PTCH1: variants seen among roughly 807,000 people sequenced by gnomAD.
PTCH1 encodes the protein protein patched homolog 1.
In PTCH1, 14 loss-of-function variants were observed where a neutral mutation model predicts 144.6. The ratio of observed to expected loss-of-function variants is 0.10; its 90% CI spans 0.06 to 0.15. The LOEUF (loss-of-function observed/expected upper bound fraction) is 0.15, where lower values mean the gene tolerates loss of function less well. Among genes scored for constraint, PTCH1 ranks in the 10% least tolerant of loss-of-function variants. PTCH1 has a pLI of 1.00. For missense variants in PTCH1, 1,623 were observed against 1,948.3 expected, an observed-to-expected ratio of 0.83 and a Z score of 3.14; for synonymous variants, 833 against 793.6, an observed-to-expected ratio of 1.05 and a Z score of -0.83.
At chr9:95,509,879 G>T (rs1844056053), upstream of PTCH1, among the ~76,000 whole-genome samples, 1 of 151,976 alleles carries the variant, frequency 6.6e-6, no homozygotes, top group South Asian at 2.1e-4. Flanking sequence ...TTAGGCTCTT[G>T]CAGGGAACAA....
Position 95,444,509 on chromosome 9 carries a change from G to GCGCACA in PTCH1, c.*1883_*1884insTGTGCG, listed in dbSNP as rs369387883. ...CAGAGACACACACACACGCACGCAC[G>GCGCACA]CACACACACACACACACACCCAGCA... On this transcript the variant is annotated 3_prime_UTR_variant, in exon 24 of 24. Coordinates refer to ENST00000331920, the MANE Select transcript of PTCH1 (RefSeq NM_000264.5). The GCGCACA allele has an allele frequency of 9.4e-5, 14 of 149,002 alleles. No homozygotes were observed. The highest frequency in any genetic ancestry group is 3.4e-4 in the African/African-American group (14 of 40,694). The allele number at this position is 149,002 out of a possible 1,614,324, so 9.2% of individuals were successfully genotyped here.
rs2118871805 is a variant in PTCH1 at position 95,506,373 on chromosome 9, CCGGGGGCGCGGGCGCCGCGG to C, written c.394+14_394+33del. Reference sequence around the variant, plus strand: ...CTATCAACCGCGAGGAGGGACCGGGCCGGGGGCGCGGGCGCCGCGGCGGGCGCTCTTACCTTCCACCCACA... The same window carrying C: ...CTATCAACCGCGAGGAGGGACCGGGCCGGGCGCTCTTACCTTCCACCCACA... On this transcript the variant is annotated intron_variant, in intron 2 of 23. Transcript: ENST00000331920. 1 of 1,603,508 alleles carries C rather than the reference CCGGGGGCGCGGGCGCCGCGG, an allele frequency of 6.2e-7. No individual in the cohort carries two copies. The highest frequency in any genetic ancestry group is 1.3e-5 in the African/African-American group (1 of 74,684).
intron 5 of PTCH1, among the ~76,000 whole-genome samples, chr9:95,481,199 G>A (rs1239343296): frequency 1.3e-5 from 2 of 152,184 alleles, no homozygotes; most frequent in Non-Finnish European, 2.9e-5. Flanking sequence ...CACTGTAGCT[G>A]CTTAACCAGG....
Position 95,459,735 on chromosome 9 carries a change from C to T in PTCH1, c.2752G>A (p.Ala918Thr), listed in dbSNP as rs2136672620. The T allele has an allele frequency of 1.9e-6, 3 of 1,614,180 alleles. No homozygotes were observed. Among genetic ancestry groups the T allele is most frequent in the Non-Finnish European group, 2.5e-6 (3 of 1,180,034 alleles). ...VDADGIINPS[A>T]FYIYLTAWVS... ...CAAGCCGTCAGGTAGATGTAGAAAGCGCTGGGATTAATGATGCCATCTGCA... is the reference window on the plus strand; with the variant it reads ...CAAGCCGTCAGGTAGATGTAGAAAGTGCTGGGATTAATGATGCCATCTGCA... Residue 918 changes from alanine (A) to threonine (T), a missense_variant, in exon 17 of 24, where the codon GCT becomes ACT. Ala to Thr is a moderately conservative substitution (Grantham distance 58). Around this residue, in one of 7 missense-constraint regions of PTCH1, gnomAD observed 504 missense variants for 679.3 expected, o/e 0.74. Transcript: ENST00000331920.
At chr9:95,463,220 C>A (rs1020626432) in intron 15 of PTCH1, among the ~76,000 whole-genome samples, 1 of 152,024 alleles carries the variant, frequency 6.6e-6, no homozygotes, top group African/African-American at 2.4e-5. Flanking sequence ...CTCTTGGGGT[C>A]TGAAGTGTGG....
chr9:95,516,640 C>T, exon 1 of PTCH1: 1 of 1,610,380 alleles, frequency 6.2e-7, no homozygotes, highest in Non-Finnish European at 8.5e-7. Context: ...CTGCGGGTCT[C>T]TTTGTCTCCC....
intron 15 of PTCH1, among the ~76,000 whole-genome samples, chr9:95,465,147 C>T (rs774143596): frequency 6.6e-6 from 1 of 152,122 alleles, no homozygotes; most frequent in Non-Finnish European, 1.5e-5. Flanking sequence ...TAGAGATGAT[C>T]TACAATGCTC....
At chr9:95,478,751 T>C (rs1192105111) in intron 8 of PTCH1, among the ~76,000 whole-genome samples, 1 of 152,220 alleles carries the variant, frequency 6.6e-6, no homozygotes, top group Non-Finnish European at 1.5e-5. Flanking sequence ...CACTGTTATG[T>C]GCTTTAGTTC....
rs1412840330 is a variant in PTCH1 at position 95,506,008 on chromosome 9, G to A, written c.394+399C>T. ...CTTTGGACGCGGTGGGTGGGGGTGG[G>A]GGAGAGAAGAAAGCCGGGCCGCGGA... is the stretch of plus-strand genomic sequence containing the variant. On this transcript the variant is annotated intron_variant, in intron 2 of 23. Transcript: ENST00000331920. Among the ~76,000 whole-genome samples the A allele has an allele frequency of 6.8e-5, 10 of 148,106 alleles. No homozygotes were observed. In the South Asian group the frequency reaches 2.1e-3, roughly 31 times the overall value.
intron 2 of PTCH1, among the ~76,000 whole-genome samples, chr9:95,492,016 C>T (rs1842439748): frequency 6.6e-6 from 1 of 152,192 alleles, no homozygotes; most frequent in Non-Finnish European, 1.5e-5. Context: ...CGTCTTAAGA[C>T]AGAAACTATT....
Position 95,506,592 on chromosome 9 carries a change from G to A in PTCH1, c.209C>T (p.Ala70Val), listed in dbSNP as rs764137082. Residue 70 changes from alanine to valine, a missense_variant, in exon 2 of 24, where the codon GCT (alanine) becomes GTT (valine). Physicochemically the swap from Ala to Val is moderately conservative, Grantham distance 64. Around this residue, in one of 7 missense-constraint regions of PTCH1, gnomAD observed 245 missense variants for 240.6 expected, o/e 1.02. Transcript: ENST00000331920. The part of the protein sequence containing the change: ...FALEQISKGK[A>V]TGRKAPLWLR... ...CCACAGCGGCGCTTTCCGGCCAGTA[G>A]CCTTCCCCTGGGGACGAAGCAGAAG... is the stretch of plus-strand genomic sequence containing the variant. 1.7e-5 allele frequency: 27 copies of A among 1,611,710 alleles called. No individual in the cohort carries two copies. Among genetic ancestry groups the A allele is most frequent in the Non-Finnish European group, 2.2e-5 (26 of 1,179,036 alleles).
At chr9:95,494,296 G>A (rs1309840721) in intron 2 of PTCH1, 1 of 985,490 alleles carries the variant, frequency 1.0e-6, no homozygotes, top group South Asian at 4.7e-5. Context: ...AGGTCAGCCC[G>A]GCACTCTGCC....
chr9:95,450,016 C>G (rs1302031357), intron 20 of PTCH1, 76 bp from the exon 21 acceptor site: 2 of 1,330,012 alleles, frequency 1.5e-6, no homozygotes, highest in Non-Finnish European at 2.1e-6. Context: ...CCCGACACAG[C>G]AGCATGGCAA....
chr9:95,466,150 C>T (rs527474939), intron 15 of PTCH1, among the ~76,000 whole-genome samples: 7 of 152,126 alleles, frequency 4.6e-5, no homozygotes, highest in Non-Finnish European at 8.8e-5. Flanking sequence ...CAGGTTCAAG[C>T]GATTCTCCTG....
intron 8 of PTCH1, 121 bp downstream of exon 8, chr9:95,478,879 A>G: frequency 6.8e-7 from 1 of 1,478,538 alleles, no homozygotes; most frequent in South Asian, 1.2e-5. Context: ...TCATCCCATC[A>G]AGTTCCCAGA....
chr9:95,469,018 A>G lies in PTCH1; in HGVS notation c.1983T>C (p.Thr661=), dbSNP rs201955746. Residue 661 remains threonine (T), a synonymous_variant, in exon 14 of 24, where the codon ACT becomes ACC. Coordinates refer to ENST00000331920, the MANE Select transcript of PTCH1 (RefSeq NM_000264.5). ...GGTCGTACTCCGTGCGGAGCTGGAC[A>G]GTGGACTGCATGGTAATCTGCGTTT... ...AHETQITMQS[T]VQLRTEYDPH... 2 of 1,614,014 alleles carry G rather than the reference A, an allele frequency of 1.2e-6. No individual in the cohort carries two copies. Among genetic ancestry groups the G allele is most frequent in the East Asian group, 2.2e-5 (1 of 44,876 alleles).
chr9:95,504,908 T>C (rs571753953), intron 2 of PTCH1, among the ~76,000 whole-genome samples: 1 of 152,296 alleles, frequency 6.6e-6, no homozygotes, highest in African/African-American at 2.4e-5. Flanking sequence ...AGGGACATCA[T>C]AGGTGCTCAA....
rs1032072492 is a variant in PTCH1 at position 95,453,548 on chromosome 9, G to A, written c.3379C>T (p.Leu1127=). The change falls in exon 20 of 24, where the codon CTG becomes TTG. Residue 1127 remains leucine (L), a synonymous_variant. Coordinates refer to ENST00000331920, the MANE Select transcript of PTCH1 (RefSeq NM_000264.5). ...LALEHMFAPV[L]DGAVSTLLGV... ...AGCAGAGTGGACACGGCGCCATCCA[G>A]GACGGGTGCAAACATGTGCTCCAGG... is the stretch of plus-strand genomic sequence containing the variant. The A allele has an allele frequency of 4.3e-6, 7 of 1,614,132 alleles. No homozygotes were observed. The highest frequency in any genetic ancestry group is 5.9e-6 in the Non-Finnish European group (7 of 1,180,044).
intron 1 of PTCH1, chr9:95,507,906 A>ACACACACACACACG (rs1370214107): frequency 6.0e-6 from 6 of 1,005,462 alleles, no homozygotes; most frequent in African/African-American, 3.4e-5. Flanking sequence ...GCGTGTGTAT[A>ACACACACACACACG]CACACACACA....
Sources: allele counts gnomAD v4.1 joint callset (sites outside exome capture counted in the v4.1 genomes callset), GRCh38; gene constraint gnomAD v4.1.1; regional missense constraint gnomAD v4.1.1; transcripts MANE v1.5; gene names NCBI Gene and HGNC (gene_info 2026-07-23, HGNC 2026-07-21).